The following NEUROD4 variants were observed in gnomAD, a reference collection of about 807,000 sequenced individuals.
The protein encoded by NEUROD4 is neurogenic differentiation factor 4.
Under a neutral mutation model 19.8 loss-of-function variants are expected in NEUROD4, and 16 were observed. The observed-to-expected ratio is 0.81, with a 90% CI of 0.55 to 1.23. The LOEUF (loss-of-function observed/expected upper bound fraction) is 1.23, where lower values mean the gene tolerates loss of function less well. Ranked by LOEUF, NEUROD4 falls within the 50% of genes most tolerant of loss-of-function variation. The pLI is 0.00. For missense variants in NEUROD4, 439 were observed against 398.6 expected (o/e 1.10, Z -0.86); for synonymous variants, 153 against 147.9 (o/e 1.03, Z -0.25).
At chr12:55,021,082 A>G (rs984024717) in intron 1 of NEUROD4, among the ~76,000 whole-genome samples, 1 of 152,214 alleles carries the variant, frequency 6.6e-6, no homozygotes, top group African/African-American at 2.4e-5. Flanking sequence ...AAAATAAGGG[A>G]CTGAATAACT....
chr12:55,022,035 TGCCA>T (rs910224584), intron 1 of NEUROD4, among the ~76,000 whole-genome samples: 1 of 152,168 alleles, frequency 6.6e-6, no homozygotes, highest in African/African-American at 2.4e-5. Flanking sequence ...GTAAAACAAT[TGCCA>T]ACCCTCACAT....
Position 55,027,398 on chromosome 12 carries a change from G to C in NEUROD4, c.959G>C (p.Gly320Ala). The change falls in exon 2 of 2, where the codon GGT (glycine) becomes GCT (alanine). Residue 320 changes from glycine to alanine, a missense_variant. Transcript: ENST00000242994. ...DMSYDSYPHH[G>A]IGTQLNTVFT... Reference sequence around the variant, plus strand: ...TCCTATGATTCCTACCCCCATCATGGTATTGGGACCCAACTCAATACAGTC... The same window carrying C: ...TCCTATGATTCCTACCCCCATCATGCTATTGGGACCCAACTCAATACAGTC... 1 of 1,613,116 alleles carries C rather than the reference G, an allele frequency of 6.2e-7. No homozygotes were observed. The highest frequency in any genetic ancestry group is 8.5e-7 in the Non-Finnish European group (1 of 1,179,466).
rs1354962328 is a variant in NEUROD4, at chr12:55,027,485, A to G, written c.*50A>G. On this transcript the variant is annotated 3_prime_UTR_variant, in exon 2 of 2. Transcript: ENST00000242994. ...GAATGACGTGGAGACATTTTCCATA[A>G]TTCAAGTGGTTGAGCTAAAGATTCA... 2 of 1,517,998 alleles carry G rather than the reference A, an allele frequency of 1.3e-6. No homozygotes were observed. Among genetic ancestry groups the G allele is most frequent in the Non-Finnish European group, 1.8e-6 (2 of 1,126,194 alleles). The allele number at this position is 1,517,998 out of a possible 1,614,324, so 94.0% of individuals were successfully genotyped here. A position where few individuals can be genotyped will look rare whatever the true frequency, so the allele number is the denominator to read the frequency against.
intron 1 of NEUROD4, among the ~76,000 whole-genome samples, chr12:55,024,013 C>G (rs772824172): frequency 2.6e-5 from 4 of 152,166 alleles, no homozygotes; most frequent in South Asian, 2.1e-4. Flanking sequence ...TATTCAGATC[C>G]AGGGACAATT....
chr12:55,024,342 G>T (rs560771628), intron 1 of NEUROD4, among the ~76,000 whole-genome samples: 1 of 152,104 alleles, frequency 6.6e-6, no homozygotes, highest in South Asian at 2.1e-4. Flanking sequence ...CACTCCACCA[G>T]AACTATATCT....
intron 1 of NEUROD4, among the ~76,000 whole-genome samples, chr12:55,021,259 T>C (rs1343686883): frequency 6.6e-6 from 1 of 152,212 alleles, no homozygotes; most frequent in African/African-American, 2.4e-5. Context: ...ACTGGCTTTT[T>C]CCAAGCAGTA....
rs376216369 is a variant in NEUROD4, at chr12:55,029,661, T to C, written c.*2226T>C. On this transcript the variant is annotated 3_prime_UTR_variant, in exon 2 of 2. Coordinates refer to ENST00000242994, the MANE Select transcript of NEUROD4 (RefSeq NM_021191.3). ...AAAAAATAGAGAATTACCTCTGTGA[T>C]AATTTTTATAAAAAGCAGCAATAAT... is the stretch of plus-strand genomic sequence containing the variant. The C allele has an allele frequency of 6.0e-6, 1 of 167,064 alleles. No individual in the cohort carries two copies. The highest frequency in any genetic ancestry group is 1.5e-5 in the Non-Finnish European group (1 of 68,102). The allele number at this position is 167,064 out of a possible 1,614,324, so 10.3% of individuals were successfully genotyped here. A position where few individuals can be genotyped will look rare whatever the true frequency, so the allele number is the denominator to read the frequency against.
intron 1 of NEUROD4, among the ~76,000 whole-genome samples, chr12:55,023,660 T>C (rs968709105): frequency 2.0e-5 from 3 of 152,304 alleles, no homozygotes; most frequent in African/African-American, 7.2e-5. Flanking sequence ...TCTTGGAAGT[T>C]AATGGACCGG....
intron 1 of NEUROD4, among the ~76,000 whole-genome samples, chr12:55,025,020 A>C (rs1017650224): frequency 6.6e-6 from 1 of 152,258 alleles, no homozygotes; most frequent in Non-Finnish European, 1.5e-5. Flanking sequence ...AACATTTATT[A>C]CATTCTCCTC....
At position 55,029,421 on chromosome 12, in the gene NEUROD4, C is replaced by T. The variant is rs1387439005; in HGVS notation, c.*1986C>T. On this transcript the variant is annotated 3_prime_UTR_variant, in exon 2 of 2. Coordinates refer to ENST00000242994, the MANE Select transcript of NEUROD4 (RefSeq NM_021191.3). ...TGTGAGCGGCTGTAGGAGGGTCTAT[C>T]CTCGAAGCTAGCATTTTCTGGCATT... 2.4e-5 allele frequency: 4 copies of T among 166,960 alleles called. No homozygotes were observed. The highest frequency in any genetic ancestry group is 2.1e-4 in the South Asian group (1 of 4,812). 10.3% of individuals were successfully genotyped at this position (166,960 alleles called of 1,614,324 possible). A position where few individuals can be genotyped will look rare whatever the true frequency, so the allele number is the denominator to read the frequency against.
At chr12:55,024,782 C>G (rs1299740719) in intron 1 of NEUROD4, among the ~76,000 whole-genome samples, 2 of 152,160 alleles carry the variant, frequency 1.3e-5, no homozygotes, top group African/African-American at 4.8e-5. Flanking sequence ...CCCAGGAAGC[C>G]TTATTAAGTG....
At chr12:55,020,883 T>C (rs1422566948) in intron 1 of NEUROD4, among the ~76,000 whole-genome samples, 4 of 152,212 alleles carry the variant, frequency 2.6e-5, no homozygotes, top group African/African-American at 7.2e-5. Flanking sequence ...AATTTCCTTT[T>C]CCTCAGCTCT....
Position 55,029,853 on chromosome 12 carries a change from G to A in NEUROD4, c.*2418G>A, listed in dbSNP as rs892907633. On this transcript the variant is annotated 3_prime_UTR_variant, in exon 2 of 2. Transcript: ENST00000242994. ...GATTTTATAATTGAATTAAAATTTA[G>A]GAATGCAATAGCTTGTAAAGAGCCT... The A allele has an allele frequency of 6.0e-6, 1 of 166,994 alleles. No individual in the cohort carries two copies. The highest frequency in any genetic ancestry group is 1.5e-5 in the Non-Finnish European group (1 of 68,082). 10.3% of individuals were successfully genotyped at this position (166,994 alleles called of 1,614,324 possible). A position where few individuals can be genotyped will look rare whatever the true frequency, so the allele number is the denominator to read the frequency against.
intron 1 of NEUROD4, among the ~76,000 whole-genome samples, chr12:55,021,907 G>A (rs894433880): frequency 2.0e-5 from 3 of 151,962 alleles, no homozygotes; most frequent in Admixed American, 6.6e-5. Flanking sequence ...TGTCATGTTC[G>A]AGCCTATTTC....
In NEUROD4 at chr12:55,026,939, G is replaced by A. The variant is rs1952740279; in HGVS notation, c.500G>A (p.Ser167Asn). The change falls in exon 2 of 2, where the codon AGC (serine) becomes AAC (asparagine). Residue 167 changes from serine (S) to asparagine (N), a missense_variant. Physicochemically the swap from Ser to Asn is conservative, Grantham distance 46 (BLOSUM62 1). Transcript: ENST00000242994. ...TGTAAAGGGCTCTCTCAGCCCACAA[G>A]CAACCTGGTGGCTGGATGTCTCCAA... Reference protein sequence around the residue: ...MLCKGLSQPTSNLVAGCLQLG... With the variant: ...MLCKGLSQPTNNLVAGCLQLG... The A allele has an allele frequency of 1.2e-6, 2 of 1,614,186 alleles. No homozygotes were observed. The highest frequency in any genetic ancestry group is 1.1e-5 in the South Asian group (1 of 91,086).
rs1432594434 is a variant in NEUROD4 at position 55,027,551 on chromosome 12, G to A, written c.*116G>A. The stretch of plus-strand genomic sequence containing the variant: ...CCCTATGGATATATATCAAACAATA[G>A]TTCAAGTCCATTTAGGCTTTCCTTC... On this transcript the variant is annotated 3_prime_UTR_variant, in exon 2 of 2. Coordinates refer to ENST00000242994, the MANE Select transcript of NEUROD4 (RefSeq NM_021191.3). 2.0e-6 allele frequency: 2 copies of A among 987,314 alleles called. No homozygotes were observed. Among genetic ancestry groups the A allele is most frequent in the Non-Finnish European group, 3.0e-6 (2 of 659,336 alleles). 61.2% of individuals were successfully genotyped at this position (987,314 alleles called of 1,614,324 possible). A position where few individuals can be genotyped will look rare whatever the true frequency, so the allele number is the denominator to read the frequency against.
rs1952755360 is a variant in NEUROD4, at chr12:55,028,150, C to T, written c.*715C>T. 2 of 166,284 alleles carry T rather than the reference C, an allele frequency of 1.2e-5. No homozygotes were observed. The highest frequency in any genetic ancestry group is 4.8e-5 in the African/African-American group (2 of 41,452). The allele number at this position is 166,284 out of a possible 1,614,324, so 10.3% of individuals were successfully genotyped here. On this transcript the variant is annotated 3_prime_UTR_variant, in exon 2 of 2. Coordinates refer to ENST00000242994, the MANE Select transcript of NEUROD4 (RefSeq NM_021191.3). Reference sequence around the variant, plus strand: ...ATTTGTTATTAGACTAAAAGTTGAACATATCTTCCTTATGATTTGAAGAAC... The same window carrying T: ...ATTTGTTATTAGACTAAAAGTTGAATATATCTTCCTTATGATTTGAAGAAC...
intron 1 of NEUROD4, among the ~76,000 whole-genome samples, chr12:55,024,763 A>G (rs968098492): frequency 4.6e-5 from 7 of 152,210 alleles, no homozygotes; most frequent in African/African-American, 7.2e-5. Context: ...TTTTCAATAA[A>G]GCTGCTTACC....
chr12:55,022,680 G>C (rs997198701), intron 1 of NEUROD4, among the ~76,000 whole-genome samples: 1 of 152,120 alleles, frequency 6.6e-6, no homozygotes, highest in Non-Finnish European at 1.5e-5. Flanking sequence ...CAGAGTGAAA[G>C]TTTGGGAGCT....
Sources: allele counts gnomAD v4.1 joint callset (sites outside exome capture counted in the v4.1 genomes callset), GRCh38; gene constraint gnomAD v4.1.1; transcripts MANE v1.5; gene names NCBI Gene and HGNC (gene_info 2026-07-23, HGNC 2026-07-21).